Variants in CCDC179 observed in about 807,000 individuals in gnomAD.
CCDC179 encodes the protein coiled-coil domain-containing protein 179.
CCDC179 carries 17 observed loss-of-function variants against 12.0 expected under a neutral mutation model. That is an observed-to-expected ratio of 1.42 (90% CI 0.97 to 2.13). The LOEUF is 2.13. Ranked by LOEUF, CCDC179 falls within the 30% of genes most tolerant of loss-of-function variation. CCDC179 has a pLI of 0.00. For synonymous variants in CCDC179, 27 were observed against 26.4 expected (o/e 1.02, Z -0.07); for missense variants, 83 against 78.6 (o/e 1.06, Z -0.21).
intron 2 of CCDC179, 95 bp downstream of exon 2, chr11:22,859,357 A>G: frequency 2.7e-6 from 2 of 744,490 alleles, no homozygotes; most frequent in Non-Finnish European, 4.0e-6. Flanking sequence ...TCTACTTAAT[A>G]CAAGTTCTAT....
chr11:22,852,704 T>G (rs972117654), intron 3 of CCDC179, among the ~76,000 whole-genome samples: 1 of 152,158 alleles, frequency 6.6e-6, no homozygotes, highest in Non-Finnish European at 1.5e-5. Flanking sequence ...AAAACTATCC[T>G]TGAAAAAGCT....
chr11:22,860,334 G>C (rs1019274444), intron 1 of CCDC179, 43 bp downstream of exon 1: 1 of 1,532,054 alleles, frequency 6.5e-7, no homozygotes. Flanking sequence ...CAAGGCACAG[G>C]ACAGAGTGGC....
chr11:22,848,111 A>C (rs1295167601), intron 3 of CCDC179, among the ~76,000 whole-genome samples: 1 of 152,216 alleles, frequency 6.6e-6, no homozygotes, highest in African/African-American at 2.4e-5. Context: ...ACATTCATAA[A>C]TACATACACT....
rs754807744 is a variant in CCDC179, at chr11:22,857,960, A to G, written c.157T>C (p.Phe53Leu). 7.2e-6 allele frequency: 11 copies of G among 1,528,468 alleles called. No homozygotes were observed. Among genetic ancestry groups the G allele is most frequent in the Non-Finnish European group, 9.6e-6 (11 of 1,143,422 alleles). The allele number at this position is 1,528,468 out of a possible 1,614,324, so 94.7% of individuals were successfully genotyped here. Residue 53 changes from phenylalanine (F) to leucine (L), a missense_variant, in exon 3 of 4, where the codon TTT becomes CTT. Phe to Leu is a conservative substitution (Grantham distance 22). Transcript: ENST00000532798. ...KKEKRRLNKR[F>L]SRPSPIPEPG... ...TCTGGAATAGGAGAAGGCCTTGAAA[A>G]CCTTTTATTCAGTCTCCTCTTCTCT...
chr11:22,850,974 A>ATTTTT (rs1564915186), intron 3 of CCDC179, among the ~76,000 whole-genome samples: 5 of 6,530 alleles, frequency 7.7e-4, no homozygotes, highest in Non-Finnish European at 8.8e-4. Context: ...ATATATATAT[A>ATTTTT]TATTTTTTTT....
rs1425101523 is a variant in CCDC179, at chr11:22,858,043, A to G, written c.91-17T>C. 7 of 1,423,736 alleles carry G rather than the reference A, an allele frequency of 4.9e-6. No homozygotes were observed. Among genetic ancestry groups the G allele is most frequent in the Non-Finnish European group, 6.5e-6 (7 of 1,070,858 alleles). The allele number at this position is 1,423,736 out of a possible 1,614,324, so 88.2% of individuals were successfully genotyped here. On this transcript the variant is annotated splice_polypyrimidine_tract_variant and intron_variant, in intron 2 of 3. Transcript: ENST00000532798. ...ATTTGCAAGCTTTAGAAAAATTAAA[A>G]TGAAAGAAAAATCATACTTTTTTGT...
At chr11:22,858,652 A>G (rs1022870000) in intron 2 of CCDC179, among the ~76,000 whole-genome samples, 1 of 152,054 alleles carries the variant, frequency 6.6e-6, no homozygotes, top group Non-Finnish European at 1.5e-5. Flanking sequence ...TGCTTTGAAA[A>G]CAGTGTGGCA....
chr11:22,848,208 CG>C lies in CCDC179; in HGVS notation c.196-688del, dbSNP rs1590186409. Among the ~76,000 whole-genome samples the C allele has an allele frequency of 2.6e-5, 4 of 152,150 alleles. No homozygotes were observed. The East Asian group carries it at 7.7e-4, about 29-fold the overall frequency. Reference sequence around the variant, plus strand: ...CCTGTAATCCCCACATTTTGGGAGGCGGAGACAGGAGGATTACCTGAGGCCA... The same window carrying C: ...CCTGTAATCCCCACATTTTGGGAGGCGAGACAGGAGGATTACCTGAGGCCA... On this transcript the variant is annotated intron_variant, in intron 3 of 3. Coordinates refer to ENST00000532798, the MANE Select transcript of CCDC179 (RefSeq NM_001195637.2).
chr11:22,854,045 ATATT>A (rs758187499), intron 3 of CCDC179, among the ~76,000 whole-genome samples: 67 of 152,058 alleles, frequency 4.4e-4, no homozygotes, highest in Non-Finnish European at 7.4e-4. Flanking sequence ...ATGGAGTAAA[ATATT>A]TAAAGTGTTC....
chr11:22,860,474 T>C lies in CCDC179; in HGVS notation c.-53A>G. ...CGCCTACTGCCTGTCCTGGACCAAATGATTATGGGGCCCCACACCCACAGC... is the reference window on the plus strand; with the variant it reads ...CGCCTACTGCCTGTCCTGGACCAAACGATTATGGGGCCCCACACCCACAGC... On this transcript the variant is annotated 5_prime_UTR_variant, in exon 1 of 4. Coordinates refer to ENST00000532798, the MANE Select transcript of CCDC179 (RefSeq NM_001195637.2). 1 of 1,502,346 alleles carries C rather than the reference T, an allele frequency of 6.7e-7. No homozygotes were observed. Among genetic ancestry groups the C allele is most frequent in the Non-Finnish European group, 8.9e-7 (1 of 1,129,312 alleles). The allele number at this position is 1,502,346 out of a possible 1,614,324, so 93.1% of individuals were successfully genotyped here.
chr11:22,859,221 A>T (rs1858606353), intron 2 of CCDC179, among the ~76,000 whole-genome samples: 1 of 152,176 alleles, frequency 6.6e-6, no homozygotes, highest in African/African-American at 2.4e-5. Flanking sequence ...TATCTGCCAC[A>T]TCTATTTTTG....
In CCDC179 at chr11:22,858,529, A is replaced by G. The variant is rs1318409967; in HGVS notation, c.91-503T>C. Among the ~76,000 whole-genome samples the G allele has an allele frequency of 3.9e-5, 5 of 127,786 alleles. No individual in the cohort carries two copies. In the East Asian group the frequency reaches 1.3e-3, roughly 34 times the overall value. The allele number at this position is 127,786 out of a possible 152,430, so 83.8% of individuals were successfully genotyped here. A position where few individuals can be genotyped will look rare whatever the true frequency, so the allele number is the denominator to read the frequency against. On this transcript the variant is annotated intron_variant, in intron 2 of 3. Coordinates refer to ENST00000532798, the MANE Select transcript of CCDC179 (RefSeq NM_001195637.2). ...AATACAGTAATAGAATAGAAAGGAT[A>G]TGAATAACAATAACTTTTTTATCCA... is the stretch of plus-strand genomic sequence containing the variant.
intron 3 of CCDC179, among the ~76,000 whole-genome samples, chr11:22,854,050 TAA>T (rs896124149): frequency 4.0e-5 from 6 of 151,870 alleles, no homozygotes; most frequent in Non-Finnish European, 7.4e-5. Context: ...GTAAAATATT[TAA>T]AGTGTTCAAA....
At chr11:22,857,148 T>A (rs572054400) in intron 3 of CCDC179, among the ~76,000 whole-genome samples, 1 of 151,642 alleles carries the variant, frequency 6.6e-6, no homozygotes, top group Non-Finnish European at 1.5e-5. Context: ...GCAAGTTACT[T>A]TGTAGATTTC....
intron 3 of CCDC179, among the ~76,000 whole-genome samples, chr11:22,855,085 A>G (rs1176409163): frequency 2.0e-5 from 3 of 151,716 alleles, no homozygotes; most frequent in Non-Finnish European, 4.4e-5. Context: ...GTGCAAGAAG[A>G]AATAGACAAA....
chr11:22,855,414 C>G lies in CCDC179; in HGVS notation c.195+2508G>C, dbSNP rs1858510387. ...ACAAGAAAGATAACTGGAAATTCCT[C>G]AAATATTTGGAAATTAAGAACATAC... On this transcript the variant is annotated intron_variant, in intron 3 of 3. Transcript: ENST00000532798. Among the ~76,000 whole-genome samples the G allele has an allele frequency of 2.6e-5, 4 of 151,384 alleles. No homozygotes were observed. The South Asian group carries it at 6.2e-4, about 24-fold the overall frequency.
intron 3 of CCDC179, among the ~76,000 whole-genome samples, chr11:22,852,285 C>A (rs1209376833): frequency 6.6e-6 from 1 of 152,204 alleles, no homozygotes; most frequent in Middle Eastern, 3.2e-3. Flanking sequence ...ATGGACAAAG[C>A]TAACTATAGG....
intron 3 of CCDC179, among the ~76,000 whole-genome samples, chr11:22,857,425 T>G (rs535772207): frequency 6.6e-6 from 1 of 151,626 alleles, no homozygotes; most frequent in Non-Finnish European, 1.5e-5. Flanking sequence ...GATAGTCTTT[T>G]CAACAAATGG....
At chr11:22,860,291 G>A (rs1462954640) in intron 1 of CCDC179, 86 bp downstream of exon 1, 21 of 1,424,662 alleles carry the variant, frequency 1.5e-5, no homozygotes, top group Non-Finnish European at 1.4e-5. Flanking sequence ...AGAGTTAGAA[G>A]CACCATGGCC....
Sources: allele counts gnomAD v4.1 joint callset (sites outside exome capture counted in the v4.1 genomes callset), GRCh38; gene constraint gnomAD v4.1.1; transcripts MANE v1.5; gene names NCBI Gene and HGNC (gene_info 2026-07-23, HGNC 2026-07-21).